The following OR2L13 variants were observed in gnomAD, a reference collection of about 807,000 sequenced individuals.
The protein encoded by OR2L13 is olfactory receptor family 2 subfamily L member 13.
In OR2L13, 14 loss-of-function variants were observed where a neutral mutation model predicts 15.3. The ratio of observed to expected loss-of-function variants is 0.91; its 90% confidence interval spans 0.60 to 1.43. The LOEUF is 1.43. OR2L13 is among the 40% of genes most tolerant of loss of function. The pLI is 0.00. For synonymous variants in OR2L13, 152 were observed against 142.9 expected, an observed-to-expected ratio of 1.06 and a Z score of -0.45; for missense variants, 367 against 387.9, an observed-to-expected ratio of 0.95 and a Z score of 0.45.
chr1:247,961,787 G>A, the OR2L13 span, among the ~76,000 whole-genome samples: 2 of 152,120 alleles, frequency 1.3e-5, no homozygotes, highest in Non-Finnish European at 2.9e-5. Flanking sequence ...TGGATAAAAT[G>A]CAGTTTACAT....
chr1:248,038,166 A>T, the OR2L13 span: 1 of 792,336 alleles, frequency 1.3e-6, no homozygotes, highest in Non-Finnish European at 2.1e-6. Context: ...AGTTTCAGGC[A>T]TCCACTGGGA....
At chr1:248,025,049 A>C in the OR2L13 span, among the ~76,000 whole-genome samples, 1 of 151,990 alleles carries the variant, frequency 6.6e-6, no homozygotes, top group Admixed American at 6.6e-5. Context: ...CAAGGACTTC[A>C]TGTCTAAAAC....
chr1:247,957,327 C>A, the OR2L13 span, among the ~76,000 whole-genome samples: 1 of 152,144 alleles, frequency 6.6e-6, no homozygotes, highest in Non-Finnish European at 1.5e-5. Context: ...TTTTGATGTG[C>A]TGCTGGATTC....
At chr1:248,060,641 A>G in the OR2L13 span, 1 of 1,509,204 alleles carries the variant, frequency 6.6e-7, no homozygotes, top group South Asian at 1.2e-5. Flanking sequence ...TGCTTAACTT[A>G]CCCTTGTGTC....
chr1:248,069,781 T>A, the OR2L13 span, among the ~76,000 whole-genome samples: 2 of 151,978 alleles, frequency 1.3e-5, no homozygotes, highest in Non-Finnish European at 2.9e-5. Context: ...CGGAGGAAGA[T>A]CTACCAGGGA....
the OR2L13 span, among the ~76,000 whole-genome samples, chr1:247,978,014 T>G: frequency 2.0e-5 from 3 of 152,278 alleles, no homozygotes; most frequent in African/African-American, 7.2e-5. Flanking sequence ...CTTTTCTTTC[T>G]TCAGAGCGAT....
At chr1:248,003,824 G>C in the OR2L13 span, 3 of 1,613,678 alleles carry the variant, frequency 1.9e-6, no homozygotes, top group African/African-American at 4.0e-5. Context: ...ATCTGCAGAA[G>C]GGAAGAAGAA....
At chr1:248,037,481 C>G in the OR2L13 span, among the ~76,000 whole-genome samples, 1 of 152,228 alleles carries the variant, frequency 6.6e-6, no homozygotes, top group South Asian at 2.1e-4. Flanking sequence ...TGTTGGGCAT[C>G]AAACATTCAT....
the OR2L13 span, among the ~76,000 whole-genome samples, chr1:248,000,193 C>T: frequency 2.0e-5 from 3 of 150,404 alleles, no homozygotes; most frequent in Non-Finnish European, 4.4e-5. Context: ...TTTAAGGAGA[C>T]CAGCCTTATT....
chr1:248,082,960 T>A, the OR2L13 span, among the ~76,000 whole-genome samples: 18 of 152,172 alleles, frequency 1.2e-4, no homozygotes, highest in Non-Finnish European at 2.6e-4. Flanking sequence ...AATTTTCCAA[T>A]GTGATTACAG....
At chr1:247,993,806 AG>A in the OR2L13 span, among the ~76,000 whole-genome samples, 3 of 136,226 alleles carry the variant, frequency 2.2e-5, no homozygotes, top group African/African-American at 1.1e-4. Context: ...AGAGAGAGAG[AG>A]AGAGAAAGAA....
chr1:248,100,941 A>G (rs2103206381), exon 3 of OR2L13: 1 of 159,094 alleles, frequency 6.3e-6, no homozygotes, highest in East Asian at 1.9e-4. Context: ...GTGTTTCTTT[A>G]TCTGTTGGCT....
chr1:248,074,868 A>G, the OR2L13 span, among the ~76,000 whole-genome samples: 53 of 151,610 alleles, frequency 3.5e-4, no homozygotes, highest in Admixed American at 3.1e-3. Flanking sequence ...GACATAGACG[A>G]AAATCTTCTT....
the OR2L13 span, among the ~76,000 whole-genome samples, chr1:247,996,767 C>G: frequency 6.6e-6 from 1 of 152,134 alleles, no homozygotes; most frequent in African/African-American, 2.4e-5. Flanking sequence ...GTTTTGTCAT[C>G]TGTCTTTTGA....
the OR2L13 span, among the ~76,000 whole-genome samples, chr1:248,033,653 G>C: frequency 6.6e-6 from 1 of 151,090 alleles, no homozygotes; most frequent in Non-Finnish European, 1.5e-5. Flanking sequence ...TGTTTTACTG[G>C]CTGGTCTCAA....
At chr1:247,982,316 C>G in the OR2L13 span, among the ~76,000 whole-genome samples, 4 of 152,144 alleles carry the variant, frequency 2.6e-5, no homozygotes, top group African/African-American at 9.7e-5. Context: ...ATGAATAACT[C>G]TCTTCAAATC....
At chr1:247,991,652 G>A in the OR2L13 span, among the ~76,000 whole-genome samples, 4 of 149,186 alleles carry the variant, frequency 2.7e-5, no homozygotes, top group Non-Finnish European at 3.0e-5. Flanking sequence ...TGTTTCCCTC[G>A]TGAGTAGCCA....
chr1:248,023,141 G>A, the OR2L13 span: 1 of 299,366 alleles, frequency 3.3e-6, no homozygotes, highest in Non-Finnish European at 6.2e-6. Context: ...TCATTATCAT[G>A]TATAAATCAA....
At chr1:247,965,349 C>A in the OR2L13 span, 2 of 1,586,350 alleles carry the variant, frequency 1.3e-6, no homozygotes, top group South Asian at 1.2e-5. Flanking sequence ...TTTCAGATGT[C>A]ATCTCCTTTG....
Sources: gnomAD v4.1 joint callset for allele counts (sites outside exome capture counted in the v4.1 genomes callset) on GRCh38, gnomAD v4.1.1 for gene constraint, MANE v1.5 for transcripts, NCBI Gene and HGNC (gene_info 2026-07-23, HGNC 2026-07-21) for gene names.